The following KIF13A variants were observed in gnomAD, a reference collection of about 807,000 sequenced individuals.
KIF13A encodes the protein kinesin-like protein KIF13A.
Under a neutral mutation model 212.2 loss-of-function variants are expected in KIF13A, and 79 were observed. The observed-to-expected ratio is 0.37, with a 90% CI of 0.31 to 0.45. KIF13A has a LOEUF of 0.45. KIF13A is among the 20% of genes least tolerant of loss of function. KIF13A has a pLI of 1.00. For synonymous variants in KIF13A, 789 were observed against 808.6 expected (o/e 0.98, Z 0.41); for missense variants, 1,901 against 2,209.0 (o/e 0.86, Z 2.79).
In KIF13A at chr6:17,839,626, G is replaced by C. The variant is rs190413519; in HGVS notation, c.831-2043C>G. The stretch of plus-strand genomic sequence containing the variant: ...CAGAATGTGACCCTATTTGGAAAAA[G>C]GGTCCTTGCAGATGTAATCAGTTAA... On this transcript the variant is annotated intron_variant, in intron 9 of 38. Transcript: ENST00000259711. The surrounding 1 kb of genome is among the most constrained non-coding windows in gnomAD (Gnocchi z 4.3). Among the ~76,000 whole-genome samples, 15 of 152,252 alleles carry C rather than the reference G, an allele frequency of 9.9e-5. No individual in the cohort carries two copies. In the East Asian group the frequency reaches 2.9e-3, roughly 29 times the overall value.
intron 2 of KIF13A, among the ~76,000 whole-genome samples, chr6:17,944,202 A>G (rs1247636321): frequency 6.6e-6 from 1 of 152,194 alleles, no homozygotes; most frequent in African/African-American, 2.4e-5. Flanking sequence ...GTAATTTGTG[A>G]TTCAATGCTT....
At chr6:17,806,228 C>A (rs1762937515) in intron 18 of KIF13A, among the ~76,000 whole-genome samples, 1 of 152,180 alleles carries the variant, frequency 6.6e-6, no homozygotes, top group South Asian at 2.1e-4. Context: ...CCACCAGGCC[C>A]AGCCATAACC....
In KIF13A at chr6:17,776,942, A is replaced by G. The variant is rs1296854963; in HGVS notation, c.4170+335T>C. Among the ~76,000 whole-genome samples the G allele has an allele frequency of 3.3e-5, 5 of 152,214 alleles. No individual in the cohort carries two copies. On this transcript the variant is annotated intron_variant, in intron 34 of 38. Coordinates refer to ENST00000259711, the MANE Select transcript of KIF13A (RefSeq NM_022113.6). The surrounding 1 kb of genome is among the most constrained non-coding windows in gnomAD (Gnocchi z 4.6). Reference sequence around the variant, plus strand: ...ACCAGGGCAGCTAGAATGGGCACAAAAACTGACCCTGGAGCAGCCAGCGTC... The same window carrying G: ...ACCAGGGCAGCTAGAATGGGCACAAGAACTGACCCTGGAGCAGCCAGCGTC...
chr6:17,934,014 TAAAG>T lies in KIF13A; in HGVS notation c.147-35838_147-35835del, dbSNP rs1776238544. Among the ~76,000 whole-genome samples, 1 of 152,206 alleles carries T rather than the reference TAAAG, an allele frequency of 6.6e-6. No homozygotes were observed. The highest frequency in any genetic ancestry group is 2.4e-5 in the African/African-American group (1 of 41,458). On this transcript the variant is annotated intron_variant, in intron 2 of 38. Coordinates refer to ENST00000259711, the MANE Select transcript of KIF13A (RefSeq NM_022113.6). This position sits in a 1 kb window ranked among gnomAD's most constrained non-coding sequence, Gnocchi z 5.4. ...TTCAAGTTATATTTTCTCTCACAGA[TAAAG>T]AAAGCTGCCTTTTATAACTCAATTC...
At chr6:17,808,646 A>G in intron 18 of KIF13A, 122 bp downstream of exon 18, 1 of 873,136 alleles carries the variant, frequency 1.1e-6, no homozygotes, top group African/African-American at 1.7e-5. Context: ...CTTGAAAAAA[A>G]TAAACATCTC....
At chr6:17,804,150 TCAAA>T (rs60485477) in intron 20 of KIF13A, among the ~76,000 whole-genome samples, 319 of 150,626 alleles carry the variant, frequency 2.1e-3, no homozygotes, top group Admixed American at 5.6e-3. Context: ...AGACTCCGTC[TCAAA>T]CAAACAAACA....
At position 17,800,059 on chromosome 6, in the gene KIF13A, G is replaced by A. The variant is rs1479781957; in HGVS notation, c.2509C>T (p.Arg837Cys). 1.1e-5 allele frequency: 18 copies of A among 1,613,832 alleles called. 1 individual carries two copies. The South Asian group carries it at 1.2e-4, about 11-fold the overall frequency. The change falls in exon 21 of 39, where the codon CGT (arginine) becomes TGT (cysteine). Residue 837 changes from arginine to cysteine, a missense_variant. Physicochemically the swap from Arg to Cys is radical, Grantham distance 180 (BLOSUM62 -3). This residue lies in a region of KIF13A where 534 missense variants were observed against 536.9 expected (regional missense o/e 0.99). Coordinates refer to ENST00000259711, the MANE Select transcript of KIF13A (RefSeq NM_022113.6). The stretch of plus-strand genomic sequence containing the variant: ...TCCGAAGAGTCATCCTCCACCACAC[G>A]CTCTGGAACAGCTCCTGTAACACGC... ...VMRVTGAVPE[R>C]VVEDDSSENS...
chr6:17,950,302 T>A lies in KIF13A; in HGVS notation c.146+36752A>T, dbSNP rs192842539. The A allele has an allele frequency of 9.6e-3, 5,563 of 580,858 alleles. 35 individuals carry two copies. Among genetic ancestry groups the A allele is most frequent in the Non-Finnish European group, 0.011 (5,148 of 460,890 alleles). 36.0% of individuals were successfully genotyped at this position (580,858 alleles called of 1,614,324 possible). A position where few individuals can be genotyped will look rare whatever the true frequency, so the allele number is the denominator to read the frequency against. On this transcript the variant is annotated intron_variant, in intron 2 of 38. Transcript: ENST00000259711. ...AAAAGAAGAGCTGAGAACAAGCTGA[T>A]TCAGTTCAAACAAACCAGAAGGGAT...
downstream of KIF13A, chr6:17,760,266 A>G (rs1225852321): frequency 2.0e-5 from 3 of 152,218 alleles, no homozygotes; most frequent in African/African-American, 7.2e-5. Flanking sequence ...AGGGATTTGC[A>G]AGCTCATTCT....
chr6:17,833,909 G>T (rs934409906), intron 12 of KIF13A, 52 bp downstream of exon 12: 33 of 756,378 alleles, frequency 4.4e-5, no homozygotes, highest in Middle Eastern at 5.4e-4. Context: ...ACACAGAAAA[G>T]ACAATAAGTG....
rs1289375083 is a variant in KIF13A, at chr6:17,912,575, C to T, written c.147-14395G>A. ...AATTCTACTGAATAAACCAACAGAACCCCCATTTCCCATTTCTTTATTTGG... is the reference window on the plus strand; with the variant it reads ...AATTCTACTGAATAAACCAACAGAATCCCCATTTCCCATTTCTTTATTTGG... On this transcript the variant is annotated intron_variant, in intron 2 of 38. Transcript: ENST00000259711. This position sits in a 1 kb window ranked among gnomAD's most constrained non-coding sequence, Gnocchi z 4.2. 1.3e-5 allele frequency among the ~76,000 whole-genome samples: 2 copies of T among 152,192 alleles called. No individual in the cohort carries two copies. The highest frequency in any genetic ancestry group is 2.9e-5 in the Non-Finnish European group (2 of 68,040).
chr6:17,955,637 T>C (rs1778293600), intron 2 of KIF13A, among the ~76,000 whole-genome samples: 2 of 152,248 alleles, frequency 1.3e-5, no homozygotes, highest in South Asian at 4.1e-4. Flanking sequence ...GTGCAACTAA[T>C]CTTAATGATT....
Position 17,961,404 on chromosome 6 carries a change from C to G in KIF13A, c.146+25650G>C, listed in dbSNP as rs1192176874. Among the ~76,000 whole-genome samples the G allele has an allele frequency of 6.6e-6, 1 of 152,064 alleles. No individual in the cohort carries two copies. Among genetic ancestry groups the G allele is most frequent in the African/African-American group, 2.4e-5 (1 of 41,408 alleles). On this transcript the variant is annotated intron_variant, in intron 2 of 38. Transcript: ENST00000259711. This position sits in a 1 kb window ranked among gnomAD's most constrained non-coding sequence, Gnocchi z 4.1. ...CAGCATGAAAGGGACCTAAAACCACCCCAAAATTGGCCCAACAAGCACCAA... is the reference window on the plus strand; with the variant it reads ...CAGCATGAAAGGGACCTAAAACCACGCCAAAATTGGCCCAACAAGCACCAA...
At chr6:17,975,112 G>A (rs182589777) in intron 2 of KIF13A, among the ~76,000 whole-genome samples, 2 of 152,302 alleles carry the variant, frequency 1.3e-5, no homozygotes, top group East Asian at 1.9e-4. Flanking sequence ...GAGAGAAAGA[G>A]GAGGGCAGAT....
intron 29 of KIF13A, among the ~76,000 whole-genome samples, chr6:17,782,372 T>C (rs899776301): frequency 6.6e-6 from 1 of 151,950 alleles, no homozygotes; most frequent in Non-Finnish European, 1.5e-5. Context: ...GCGCAGTGGC[T>C]CACGCCTGTA....
chr6:17,960,242 TA>T (rs1314166883), intron 2 of KIF13A, among the ~76,000 whole-genome samples: 4 of 151,864 alleles, frequency 2.6e-5, no homozygotes, highest in Non-Finnish European at 5.9e-5. Context: ...CTTTAGTAAC[TA>T]AAAAAAAGTA....
intron 34 of KIF13A, among the ~76,000 whole-genome samples, chr6:17,775,516 C>T (rs1000578372): frequency 6.6e-6 from 1 of 152,048 alleles, no homozygotes; most frequent in African/African-American, 2.4e-5. Flanking sequence ...ATCAGCTTAT[C>T]AAATCTTACA....
chr6:17,823,660 G>T (rs934110557), intron 16 of KIF13A, among the ~76,000 whole-genome samples: 8 of 151,136 alleles, frequency 5.3e-5, no homozygotes, highest in Non-Finnish European at 7.4e-5. Flanking sequence ...TAGAGACAGG[G>T]TTTCACCACG....
Position 17,899,435 on chromosome 6 carries a change from G to C in KIF13A, c.147-1255C>G, listed in dbSNP as rs894234928. Among the ~76,000 whole-genome samples, 1 of 152,190 alleles carries C rather than the reference G, an allele frequency of 6.6e-6. No homozygotes were observed. Among genetic ancestry groups the C allele is most frequent in the East Asian group, 1.9e-4 (1 of 5,186 alleles). Reference sequence around the variant, plus strand: ...GGCACGGAAAGGTATAGGCAAAACAGCAGGATGCTTTTTCTCCATCACTGG... The same window carrying C: ...GGCACGGAAAGGTATAGGCAAAACACCAGGATGCTTTTTCTCCATCACTGG... On this transcript the variant is annotated intron_variant, in intron 2 of 38. Transcript: ENST00000259711. The surrounding 1 kb of genome is among the most constrained non-coding windows in gnomAD (Gnocchi z 5.2).
Sources: gnomAD v4.1 joint callset for allele counts (sites outside exome capture counted in the v4.1 genomes callset) on GRCh38, gnomAD v4.1.1 for gene constraint, gnomAD v4.1.1 regional missense constraint, Gnocchi (gnomAD v3.1) non-coding constraint, MANE v1.5 for transcripts, NCBI Gene and HGNC (gene_info 2026-07-23, HGNC 2026-07-21) for gene names.